Variants in RAP1GAP2 observed in about 807,000 individuals in gnomAD.
RAP1GAP2 encodes the protein rap1 GTPase-activating protein 2.
Under a neutral mutation model 95.0 loss-of-function variants are expected in RAP1GAP2, and 27 were observed. The observed-to-expected ratio is 0.28, with a 90% CI of 0.21 to 0.39. RAP1GAP2 has a LOEUF of 0.39. Ranked by LOEUF, RAP1GAP2 falls within the 10% of genes least tolerant of loss-of-function variation. The pLI, the probability that RAP1GAP2 is intolerant of heterozygous loss-of-function variation, is 1.00. For synonymous variants in RAP1GAP2, 373 were observed against 380.9 expected (o/e 0.98, Z 0.24); for missense variants, 771 against 970.0 (o/e 0.79, Z 2.72).
At position 2,873,474 on chromosome 17, in the gene RAP1GAP2, C is replaced by CA. The variant is rs71153308; in HGVS notation, c.81-31773dup. Among the ~76,000 whole-genome samples, 63 of 11,422 alleles carry CA rather than the reference C, an allele frequency of 5.5e-3. 28 individuals carry two copies. The highest frequency in any genetic ancestry group is 0.01 in the East Asian group (4 of 388). 7.5% of individuals were successfully genotyped at this position (11,422 alleles called of 152,430 possible). ...AGGGTAATAGAATGAGACCCTGTCT[C>CA]AAAAAAAAAAAAAAAAAAAAAAAAA... On this transcript the variant is annotated intron_variant, in intron 2 of 24. Coordinates refer to ENST00000254695, the MANE Select transcript of RAP1GAP2 (RefSeq NM_015085.5).
At position 2,797,786 on chromosome 17, in the gene RAP1GAP2, G is replaced by A; in HGVS notation, c.44+1215G>A. 3 of 985,382 alleles carry A rather than the reference G, an allele frequency of 3.0e-6. No homozygotes were observed. Among genetic ancestry groups the A allele is most frequent in the Non-Finnish European group, 3.6e-6 (3 of 829,918 alleles). The allele number at this position is 985,382 out of a possible 1,614,324, so 61.0% of individuals were successfully genotyped here. A position where few individuals can be genotyped will look rare whatever the true frequency, so the allele number is the denominator to read the frequency against. ...TCTGGGAGCTGCCACCCCGAGGGTA[G>A]GTGCCAGTGTCCGGGAGGCAGCAGA... On this transcript the variant is annotated intron_variant, in intron 1 of 24. Coordinates refer to ENST00000254695, the MANE Select transcript of RAP1GAP2 (RefSeq NM_015085.5). This position sits in a 1 kb window ranked among gnomAD's most constrained non-coding sequence, Gnocchi z 5.6.
At chr17:3,014,363 G>T (rs545731353) in intron 17 of RAP1GAP2, among the ~76,000 whole-genome samples, 1 of 152,288 alleles carries the variant, frequency 6.6e-6, no homozygotes, top group South Asian at 2.1e-4. Context: ...TATGGAAAAG[G>T]TACAGTAAAA....
At chr17:2,932,098 G>A (rs1188020286) in intron 3 of RAP1GAP2, among the ~76,000 whole-genome samples, 1 of 152,214 alleles carries the variant, frequency 6.6e-6, no homozygotes, top group Non-Finnish European at 1.5e-5. Context: ...TGTCCCAGGT[G>A]GAGGAGGATG....
intron 2 of RAP1GAP2, among the ~76,000 whole-genome samples, chr17:2,771,128 G>C (rs187460038): frequency 3.3e-5 from 5 of 152,264 alleles, no homozygotes; most frequent in Admixed American, 3.3e-4. Context: ...ACCAAAGACT[G>C]GAGATCCCTG....
At chr17:2,790,113 T>C (rs2068886332) in intron 1 of RAP1GAP2, among the ~76,000 whole-genome samples, 1 of 151,770 alleles carries the variant, frequency 6.6e-6, no homozygotes, top group African/African-American at 2.4e-5. Context: ...CATCATCCTT[T>C]TTTTTTTTTG....
intron 2 of RAP1GAP2, among the ~76,000 whole-genome samples, chr17:2,882,189 C>T (rs991137961): frequency 6.9e-6 from 1 of 145,726 alleles, no homozygotes; most frequent in African/African-American, 2.6e-5. Flanking sequence ...TGCAGTGGTG[C>T]GTTCTTGGCT....
chr17:2,790,167 C>T (rs2068888006), intron 1 of RAP1GAP2, among the ~76,000 whole-genome samples: 1 of 151,752 alleles, frequency 6.6e-6, no homozygotes, highest in Non-Finnish European at 1.5e-5. Flanking sequence ...GGCTGGAGTG[C>T]AGCGGCATGA....
At chr17:3,019,059 A>G (rs762435940) in intron 18 of RAP1GAP2, among the ~76,000 whole-genome samples, 1 of 151,034 alleles carries the variant, frequency 6.6e-6, no homozygotes, top group Non-Finnish European at 1.5e-5. Context: ...GACTGTCTCA[A>G]AAAAACAAAA....
chr17:2,807,310 T>A (rs2069565819), intron 2 of RAP1GAP2, among the ~76,000 whole-genome samples: 1 of 152,246 alleles, frequency 6.6e-6, no homozygotes, highest in African/African-American at 2.4e-5. Flanking sequence ...CAAGAATTCT[T>A]GAGGCACCAC....
rs879703349 is a variant in RAP1GAP2, at chr17:2,902,794, G to A, written c.81-2490G>A. Among the ~76,000 whole-genome samples, 1 of 152,178 alleles carries A rather than the reference G, an allele frequency of 6.6e-6. No individual in the cohort carries two copies. Among genetic ancestry groups the A allele is most frequent in the East Asian group, 1.9e-4 (1 of 5,190 alleles). On this transcript the variant is annotated intron_variant, in intron 2 of 24. Transcript: ENST00000254695. The surrounding 1 kb of genome is among the most constrained non-coding windows in gnomAD (Gnocchi z 4.1). ...GAGACCGGCCCCAGGAGCTTATCCA[G>A]CATCCAGGGGGAAAAGGCAGGGGAG... is the stretch of plus-strand genomic sequence containing the variant.
At chr17:2,769,480 G>T (rs949505775) in intron 1 of RAP1GAP2, among the ~76,000 whole-genome samples, 2 of 150,106 alleles carry the variant, frequency 1.3e-5, no homozygotes, top group African/African-American at 4.9e-5. Context: ...GCGTGAACCT[G>T]GAAGGCGGAG....
intron 1 of RAP1GAP2, among the ~76,000 whole-genome samples, chr17:2,799,037 A>C (rs534688426): frequency 6.6e-6 from 1 of 152,304 alleles, no homozygotes; most frequent in East Asian, 1.9e-4. Context: ...TTTCTGCCTT[A>C]CCCACAACAC....
rs371337990 is a variant in RAP1GAP2 at position 2,989,078 on chromosome 17, A to G, written c.814-2219A>G. Among the ~76,000 whole-genome samples the G allele has an allele frequency of 2.2e-4, 21 of 93,836 alleles. No individual in the cohort carries two copies. The East Asian group carries it at 5.4e-3, about 24-fold the overall frequency. The allele number at this position is 93,836 out of a possible 152,430, so 61.6% of individuals were successfully genotyped here. ...CATCTCAAAAAGACTCTGTCTCAAA[A>G]AACAAAAACAAAACAAAAAAAAAAC... On this transcript the variant is annotated intron_variant, in intron 11 of 24. Coordinates refer to ENST00000254695, the MANE Select transcript of RAP1GAP2 (RefSeq NM_015085.5).
At chr17:3,001,551 G>T (rs552206345) in intron 14 of RAP1GAP2, among the ~76,000 whole-genome samples, 1 of 123,096 alleles carries the variant, frequency 8.1e-6, no homozygotes, top group Non-Finnish European at 1.7e-5. Context: ...GGGAGTGCAG[G>T]TCCAAGCACC....
chr17:2,950,210 T>C (rs940753361), intron 3 of RAP1GAP2, among the ~76,000 whole-genome samples: 1 of 152,028 alleles, frequency 6.6e-6, no homozygotes, highest in Non-Finnish European at 1.5e-5. Flanking sequence ...TGTGCCACCA[T>C]GCCTGGCTAA....
In RAP1GAP2 at chr17:3,005,353, A is replaced by G; in HGVS notation, c.1201-16A>G. Reference sequence around the variant, plus strand: ...CTCTTCCCTCCAGGTCCGTACCATGACTCTGTTTCACTCAGGTCTCTGTCA... The same window carrying G: ...CTCTTCCCTCCAGGTCCGTACCATGGCTCTGTTTCACTCAGGTCTCTGTCA... On this transcript the variant is annotated splice_polypyrimidine_tract_variant and intron_variant, in intron 14 of 24. Coordinates refer to ENST00000254695, the MANE Select transcript of RAP1GAP2 (RefSeq NM_015085.5). The surrounding 1 kb of genome is among the most constrained non-coding windows in gnomAD (Gnocchi z 5.2). 6.2e-7 allele frequency: 1 copy of G among 1,611,672 alleles called. No individual in the cohort carries two copies. Among genetic ancestry groups the G allele is most frequent in the Non-Finnish European group, 8.5e-7 (1 of 1,178,216 alleles).
intron 8 of RAP1GAP2, among the ~76,000 whole-genome samples, 164 bp from the exon 9 acceptor site, chr17:2,980,123 A>G (rs1291418186): frequency 1.3e-5 from 2 of 151,816 alleles, no homozygotes; most frequent in African/African-American, 4.8e-5. Flanking sequence ...TTGTATTTTT[A>G]GTAGAGACTG....
intron 17 of RAP1GAP2, among the ~76,000 whole-genome samples, chr17:3,016,737 C>T: frequency 1.1e-5 from 1 of 91,302 alleles, no homozygotes; most frequent in Non-Finnish European, 2.3e-5. Flanking sequence ...GGGCTGTCTC[C>T]TCAGAGCCCT....
At chr17:2,801,358 C>T (rs1266655917) in intron 2 of RAP1GAP2, among the ~76,000 whole-genome samples, 2 of 151,016 alleles carry the variant, frequency 1.3e-5, no homozygotes, top group East Asian at 4.0e-4. Flanking sequence ...GCCTGTAATC[C>T]CAGATACTCA....
Sources: gnomAD v4.1 joint callset for allele counts (sites outside exome capture counted in the v4.1 genomes callset) on GRCh38, gnomAD v4.1.1 for gene constraint, Gnocchi (gnomAD v3.1) non-coding constraint, MANE v1.5 for transcripts, NCBI Gene and HGNC (gene_info 2026-07-23, HGNC 2026-07-21) for gene names.